F13A1: variants seen among roughly 807,000 people sequenced by gnomAD.
The protein encoded by F13A1 is FSF, A subunit.
In F13A1, 47 loss-of-function variants were observed where a neutral mutation model predicts 80.1. That is an observed-to-expected ratio of 0.59 (90% CI 0.46 to 0.75). The LOEUF (loss-of-function observed/expected upper bound fraction) is 0.75. Ranked by LOEUF, F13A1 falls within the 30% of genes least tolerant of loss-of-function variation. The pLI is 0.00. For missense variants in F13A1, 817 were observed against 930.4 expected (o/e 0.88, Z 1.59); for synonymous variants, 349 against 344.9 (o/e 1.01, Z -0.13).
chr6:6,245,098 C>T (rs1007435429), intron 6 of F13A1, among the ~76,000 whole-genome samples: 1 of 152,142 alleles, frequency 6.6e-6, no homozygotes, highest in Non-Finnish European at 1.5e-5. Flanking sequence ...GTTATGACAA[C>T]TTGCATCCCC....
chr6:6,305,376 A>T lies in F13A1; in HGVS notation c.294T>A (p.Asp98Glu). ...CAATGACGTATTCCACCCTGAAGAG[A>T]TCCCTTCTGGGGTCATATGGACGAC... ...DFSRPYDPRR[D>E]LFRVEYVIGR... Residue 98 changes from aspartate (D) to glutamate (E), a missense_variant, in exon 3 of 15, where the codon GAT becomes GAA. Coordinates refer to ENST00000264870, the MANE Select transcript of F13A1 (RefSeq NM_000129.4). The T allele has an allele frequency of 6.2e-7, 1 of 1,614,126 alleles. No homozygotes were observed. The highest frequency in any genetic ancestry group is 8.5e-7 in the Non-Finnish European group (1 of 1,180,024).
intron 1 of F13A1, among the ~76,000 whole-genome samples, chr6:6,319,363 G>A (rs3024316): frequency 0.012 from 1,866 of 152,282 alleles, 45 homozygotes; most frequent in African/African-American, 0.042. Context: ...GCCACATGGA[G>A]GAGGATAAGG....
intron 3 of F13A1, among the ~76,000 whole-genome samples, chr6:6,284,946 C>T (rs1446478015): frequency 6.6e-6 from 1 of 152,186 alleles, no homozygotes; most frequent in African/African-American, 2.4e-5. Flanking sequence ...ATCAGTATAG[C>T]TCAATTATAT....
intron 3 of F13A1, among the ~76,000 whole-genome samples, chr6:6,268,197 G>T (rs971598535): frequency 1.3e-5 from 2 of 152,194 alleles, no homozygotes; most frequent in Non-Finnish European, 2.9e-5. Flanking sequence ...ATACAACAGT[G>T]AAGAAAACAG....
At chr6:6,254,779 CT>C (rs1757681693) in intron 4 of F13A1, among the ~76,000 whole-genome samples, 1 of 152,124 alleles carries the variant, frequency 6.6e-6, no homozygotes, top group African/African-American at 2.4e-5. Flanking sequence ...ACTGAAAATA[CT>C]TTAAATGGAT....
At chr6:6,299,759 A>G (rs1222781732) in intron 3 of F13A1, among the ~76,000 whole-genome samples, 1 of 147,662 alleles carries the variant, frequency 6.8e-6, no homozygotes, top group Non-Finnish European at 1.5e-5. Flanking sequence ...CGTCAAAGTC[A>G]TTCTCCATCC....
intron 11 of F13A1, among the ~76,000 whole-genome samples, chr6:6,177,539 C>T (rs1394624473): frequency 6.6e-6 from 1 of 152,224 alleles, no homozygotes; most frequent in African/African-American, 2.4e-5. Context: ...AAGCATTTTG[C>T]TTTCAGCCAG....
chr6:6,242,712 CT>C (rs1305376013), intron 6 of F13A1, among the ~76,000 whole-genome samples: 2 of 152,122 alleles, frequency 1.3e-5, no homozygotes, highest in African/African-American at 4.8e-5. Context: ...GCAAATAACC[CT>C]CTACTACATT....
At chr6:6,313,354 A>G (rs2113198954) in intron 2 of F13A1, among the ~76,000 whole-genome samples, 1 of 151,460 alleles carries the variant, frequency 6.6e-6, no homozygotes, top group Admixed American at 6.6e-5. Context: ...ACAGCTTTCA[A>G]ACTGTCTACC....
chr6:6,146,863 A>G (rs1334976125), intron 14 of F13A1, among the ~76,000 whole-genome samples: 2 of 152,226 alleles, frequency 1.3e-5, no homozygotes, highest in Non-Finnish European at 2.9e-5. Context: ...GCACACACAT[A>G]TTTATAGCAG....
intron 8 of F13A1, among the ~76,000 whole-genome samples, chr6:6,200,548 C>CT (rs1554100285): frequency 9.1e-5 from 10 of 110,382 alleles, no homozygotes; most frequent in East Asian, 8.9e-4. Flanking sequence ...GAGACCCTGT[C>CT]TAAAAAAAAA....
intron 4 of F13A1, among the ~76,000 whole-genome samples, chr6:6,264,648 G>T (rs1757819735): frequency 1.3e-5 from 2 of 151,974 alleles, no homozygotes; most frequent in African/African-American, 4.8e-5. Context: ...TGTCATTTCT[G>T]CTGTCTATCT....
At position 6,298,113 on chromosome 6, in the gene F13A1, T is replaced by C. The variant is rs1456752695; in HGVS notation, c.319+7238A>G. On this transcript the variant is annotated intron_variant, in intron 3 of 14. Coordinates refer to ENST00000264870, the MANE Select transcript of F13A1 (RefSeq NM_000129.4). ...TTTGATTGCACTGTGGTCTGAGAGA[T>C]AGTTTGTTATAATTTCTGTTCTTTT... Among the ~76,000 whole-genome samples, 6 of 148,896 alleles carry C rather than the reference T, an allele frequency of 4.0e-5. No individual in the cohort carries two copies. In the South Asian group the frequency reaches 8.4e-4, roughly 21 times the overall value.
At chr6:6,313,984 C>CCCTTT (rs374113663) in intron 2 of F13A1, among the ~76,000 whole-genome samples, 1 of 139,306 alleles carries the variant, frequency 7.2e-6, no homozygotes, top group African/African-American at 2.8e-5. Context: ...TTTCTCCTTA[C>CCCTTT]TCTTTTTTTT....
At chr6:6,255,053 CCTT>C (rs771706510) in intron 4 of F13A1, among the ~76,000 whole-genome samples, 65 of 152,198 alleles carry the variant, frequency 4.3e-4, no homozygotes, top group Non-Finnish European at 5.7e-4. Flanking sequence ...ACTTTTTTCT[CCTT>C]CTTTAAGTCT....
intron 13 of F13A1, among the ~76,000 whole-genome samples, chr6:6,153,562 C>T (rs567666869): frequency 2.1e-4 from 32 of 152,256 alleles, no homozygotes; most frequent in African/African-American, 6.3e-4. Flanking sequence ...CATTTAAATC[C>T]GCATCTCCTG....
At chr6:6,303,753 G>A (rs182024906) in intron 3 of F13A1, among the ~76,000 whole-genome samples, 27 of 152,146 alleles carry the variant, frequency 1.8e-4, no homozygotes, top group Non-Finnish European at 3.4e-4. Flanking sequence ...GGTTTCTCAT[G>A]TTTTTTATTA....
At position 6,197,226 on chromosome 6, in the gene F13A1, C is replaced by T. The variant is rs775554234; in HGVS notation, c.1213G>A (p.Asp405Asn). Residue 405 changes from aspartate to asparagine, a missense_variant, in exon 9 of 15, where the codon GAT becomes AAT. By Grantham distance (23) the Asp-to-Asn change is conservative. Transcript: ENST00000264870. ...AVDSTPQENS[D>N]GMYRCGPASV... ...CAGAGGGAGGACACAGTTTTACCAT[C>T]GCTATTTTCCTGGGGGGTGCTGTCC... is the stretch of plus-strand genomic sequence containing the variant. 11 of 1,613,812 alleles carry T rather than the reference C, an allele frequency of 6.8e-6. No individual in the cohort carries two copies. The highest frequency in any genetic ancestry group is 1.1e-5 in the South Asian group (1 of 91,078).
At chr6:6,211,967 T>C (rs1365340982) in intron 8 of F13A1, among the ~76,000 whole-genome samples, 2 of 152,228 alleles carry the variant, frequency 1.3e-5, no homozygotes, top group East Asian at 1.9e-4. Context: ...TGCGCTTTTC[T>C]GACGGGCTTA....
Sources: gnomAD v4.1 joint callset for allele counts (sites outside exome capture counted in the v4.1 genomes callset) on GRCh38, gnomAD v4.1.1 for gene constraint, MANE v1.5 for transcripts, NCBI Gene and HGNC (gene_info 2026-07-23, HGNC 2026-07-21) for gene names.